Variants in DSCAML1 observed in about 807,000 individuals in gnomAD.
DSCAML1 encodes cell adhesion molecule DSCAML1.
A neutral mutation model predicts 200.5 loss-of-function variants in DSCAML1; 38 were observed. The observed-to-expected ratio is 0.19, with a 90% CI of 0.15 to 0.25. The LOEUF (loss-of-function observed/expected upper bound fraction) is 0.25, where lower values mean the gene tolerates loss of function less well. Among genes scored for constraint, DSCAML1 ranks in the 10% least tolerant of loss-of-function variants. The pLI is 1.00. For synonymous variants in DSCAML1, 1,215 were observed against 1,165.0 expected (o/e 1.04, Z -0.87); for missense variants, 2,223 against 2,858.8 (o/e 0.78, Z 5.07).
intron 21 of DSCAML1, among the ~76,000 whole-genome samples, chr11:117,441,278 C>A (rs1003104842): frequency 2.0e-5 from 3 of 152,182 alleles, no homozygotes; most frequent in Admixed American, 2.0e-4. Context: ...TCATCTCATA[C>A]TGAGTCCACA....
chr11:117,543,502 G>A (rs980736699), intron 3 of DSCAML1, among the ~76,000 whole-genome samples: 2 of 152,158 alleles, frequency 1.3e-5, no homozygotes, highest in Non-Finnish European at 2.9e-5. Context: ...TGTACCTGTT[G>A]GGTACACTTG....
intron 3 of DSCAML1, among the ~76,000 whole-genome samples, chr11:117,676,562 G>T (rs184954326): frequency 9.2e-5 from 14 of 152,314 alleles, no homozygotes; most frequent in African/African-American, 3.4e-4. Flanking sequence ...TGCACAGACG[G>T]GGTGCTCCTG....
chr11:117,669,156 A>G (rs2053046847), intron 3 of DSCAML1, among the ~76,000 whole-genome samples: 1 of 152,228 alleles, frequency 6.6e-6, no homozygotes, highest in Admixed American at 6.5e-5. Context: ...ATTACAGTCA[A>G]TCCAGCAGCA....
intron 11 of DSCAML1, among the ~76,000 whole-genome samples, chr11:117,499,927 C>A (rs988429775): frequency 8.5e-5 from 13 of 152,242 alleles, no homozygotes; most frequent in African/African-American, 3.1e-4. Context: ...CCCTCGGACT[C>A]CTGGAACTCT....
intron 27 of DSCAML1, among the ~76,000 whole-genome samples, chr11:117,434,181 G>GATCC (rs1455407879): frequency 7.9e-5 from 12 of 151,902 alleles, no homozygotes; most frequent in Non-Finnish European, 1.8e-4. Context: ...CCCATCCATT[G>GATCC]ATCCATCCAT....
intron 3 of DSCAML1, among the ~76,000 whole-genome samples, chr11:117,532,934 T>A (rs982318918): frequency 6.6e-6 from 1 of 151,106 alleles, no homozygotes; most frequent in Non-Finnish European, 1.5e-5. Context: ...AGTTGGAGAC[T>A]AGCCTGGGCA....
chr11:117,477,000 A>G (rs1054966366), intron 14 of DSCAML1, among the ~76,000 whole-genome samples: 1 of 152,052 alleles, frequency 6.6e-6, no homozygotes, highest in Non-Finnish European at 1.5e-5. Flanking sequence ...ACCTCCATGT[A>G]TGTCATCACA....
At chr11:117,587,429 CT>C (rs1435712779) in intron 3 of DSCAML1, among the ~76,000 whole-genome samples, 1 of 152,128 alleles carries the variant, frequency 6.6e-6, no homozygotes, top group Admixed American at 6.5e-5. Context: ...CCCTGGCCCC[CT>C]GACCCCCATG....
At chr11:117,430,178 T>G (rs1431470688) in intron 32 of DSCAML1, among the ~76,000 whole-genome samples, 1 of 152,204 alleles carries the variant, frequency 6.6e-6, no homozygotes, top group Non-Finnish European at 1.5e-5. Context: ...GCCAGGCCCG[T>G]GGGGTCAGAT....
chr11:117,617,822 C>A (rs2051842485), intron 3 of DSCAML1, among the ~76,000 whole-genome samples: 1 of 152,132 alleles, frequency 6.6e-6, no homozygotes, highest in Non-Finnish European at 1.5e-5. Context: ...TCGTGTCACA[C>A]TTCACTACAC....
Position 117,524,836 on chromosome 11 carries a change from C to T in DSCAML1, c.906G>A (p.Ser302=), listed in dbSNP as rs767110532. Residue 302 remains serine, a synonymous_variant, in exon 5 of 33, where the codon TCG becomes TCA. Transcript: ENST00000651296. ...YICEVTNTFG[S]AEATGILMVI... ...CCATGAGGATGCCTGTGGCCTCTGCCGAACCGAAGGTGTTGGTGACCTCAC... is the reference window on the plus strand; with the variant it reads ...CCATGAGGATGCCTGTGGCCTCTGCTGAACCGAAGGTGTTGGTGACCTCAC... The T allele has an allele frequency of 1.3e-5, 20 of 1,590,834 alleles. No individual in the cohort carries two copies. The highest frequency in any genetic ancestry group is 1.7e-4 in the Middle Eastern group (1 of 6,050).
At chr11:117,794,730 A>G (rs751962533) in intron 1 of DSCAML1, among the ~76,000 whole-genome samples, 6 of 151,626 alleles carry the variant, frequency 4.0e-5, no homozygotes, top group Non-Finnish European at 8.8e-5. Flanking sequence ...TCCGCATCAC[A>G]TCTTCCCCCA....
intron 3 of DSCAML1, among the ~76,000 whole-genome samples, chr11:117,562,877 G>A (rs899440092): frequency 1.3e-5 from 2 of 152,190 alleles, no homozygotes; most frequent in Non-Finnish European, 1.5e-5. Context: ...GATTACAGGT[G>A]TGCTACACCA....
At chr11:117,811,499 C>T (rs886649633) in intron 1 of DSCAML1, among the ~76,000 whole-genome samples, 2 of 152,218 alleles carry the variant, frequency 1.3e-5, no homozygotes, top group African/African-American at 4.8e-5. Context: ...CTTCCAAACG[C>T]CTGAACTGCA....
At chr11:117,596,332 C>T (rs2051360451) in intron 3 of DSCAML1, among the ~76,000 whole-genome samples, 1 of 151,880 alleles carries the variant, frequency 6.6e-6, no homozygotes, top group Non-Finnish European at 1.5e-5. Flanking sequence ...GAAACACAAC[C>T]TCCCTGGGAG....
At chr11:117,635,931 G>A (rs956956728) in intron 3 of DSCAML1, among the ~76,000 whole-genome samples, 4 of 152,142 alleles carry the variant, frequency 2.6e-5, no homozygotes, top group African/African-American at 9.7e-5. Flanking sequence ...CCAGGGGTGA[G>A]TCCCATTCCC....
At chr11:117,585,264 T>C (rs1343911454) in intron 3 of DSCAML1, among the ~76,000 whole-genome samples, 1 of 152,134 alleles carries the variant, frequency 6.6e-6, no homozygotes. Flanking sequence ...TTTTTCTTTT[T>C]TTTTGAGATG....
rs539258583 is a variant in DSCAML1, at chr11:117,503,363, C to T, written c.2359+482G>A. Among the ~76,000 whole-genome samples, 1 of 152,226 alleles carries T rather than the reference C, an allele frequency of 6.6e-6. No homozygotes were observed. Among genetic ancestry groups the T allele is most frequent in the African/African-American group, 2.4e-5 (1 of 41,524 alleles). Reference sequence around the variant, plus strand: ...GAGCACAGGGAGGGGGAGTGACTCGCCCAAGGTCACTCAGCTCATCAGGCT... The same window carrying T: ...GAGCACAGGGAGGGGGAGTGACTCGTCCAAGGTCACTCAGCTCATCAGGCT... On this transcript the variant is annotated intron_variant, in intron 11 of 32. Coordinates refer to ENST00000651296, the MANE Select transcript of DSCAML1 (RefSeq NM_020693.4). The surrounding 1 kb of genome is among the most constrained non-coding windows in gnomAD (Gnocchi z 5.2).
intron 3 of DSCAML1, among the ~76,000 whole-genome samples, chr11:117,733,871 T>A (rs536145374): frequency 1.1e-4 from 17 of 151,728 alleles, no homozygotes; most frequent in Admixed American, 8.5e-4. Context: ...TAAGCATGCA[T>A]CTTGTCTTCT....
Sources: allele counts gnomAD v4.1 joint callset (sites outside exome capture counted in the v4.1 genomes callset), GRCh38; gene constraint gnomAD v4.1.1; non-coding constraint Gnocchi (gnomAD v3.1); transcripts MANE v1.5; gene names NCBI Gene and HGNC (gene_info 2026-07-23, HGNC 2026-07-21).